SP4: variants seen among roughly 807,000 people sequenced by gnomAD.
SP4 encodes the protein transcription factor Sp4.
SP4 carries 19 observed loss-of-function variants against 72.8 expected under a neutral mutation model. The ratio of observed to expected loss-of-function variants is 0.26; its 90% confidence interval spans 0.18 to 0.38. The LOEUF is 0.38. SP4 is among the 10% of genes least tolerant of loss of function. The pLI is 1.00. For synonymous variants in SP4, 395 were observed against 333.1 expected (o/e 1.19, Z -2.02); for missense variants, 1,008 against 926.3 (o/e 1.09, Z -1.14).
intron 3 of SP4, among the ~76,000 whole-genome samples, chr7:21,450,427 C>A (rs10233357): frequency 0.15 from 22,494 of 151,694 alleles, 3,431 homozygotes; most frequent in East Asian, 0.61. Context: ...CTTTGGGGTG[C>A]AATAGGTTTC....
At chr7:21,454,467 CCATACA>C (rs1438038185) in intron 3 of SP4, among the ~76,000 whole-genome samples, 1 of 151,784 alleles carries the variant, frequency 6.6e-6, no homozygotes, top group African/African-American at 2.4e-5. Flanking sequence ...CAATAGTTTA[CCATACA>C]AGATCCTTTC....
intron 3 of SP4, among the ~76,000 whole-genome samples, chr7:21,451,167 C>G (rs1226494132): frequency 6.6e-6 from 1 of 152,142 alleles, no homozygotes; most frequent in Non-Finnish European, 1.5e-5. Context: ...CCTTACCAGT[C>G]TAGTGCTCAT....
At chr7:21,489,488 ATT>A (rs138369949) in intron 5 of SP4, among the ~76,000 whole-genome samples, 7 of 135,400 alleles carry the variant, frequency 5.2e-5, no homozygotes, top group Admixed American at 3.7e-4. Context: ...CACCTAGCTA[ATT>A]TTTTTTTTTT....
chr7:21,441,999 T>A (rs377744885), intron 3 of SP4, among the ~76,000 whole-genome samples: 1,351 of 90,298 alleles, frequency 0.015, 25 homozygotes, highest in African/African-American at 0.062. Context: ...TTTATGTGTG[T>A]GTGTGTTTGT....
chr7:21,450,429 A>G (rs561800371), intron 3 of SP4, among the ~76,000 whole-genome samples: 20 of 152,072 alleles, frequency 1.3e-4, no homozygotes, highest in African/African-American at 4.6e-4. Flanking sequence ...TTGGGGTGCA[A>G]TAGGTTTCTG....
At chr7:21,434,817 ATTT>A (rs35111163) in intron 3 of SP4, among the ~76,000 whole-genome samples, 12 of 139,052 alleles carry the variant, frequency 8.6e-5, no homozygotes, top group East Asian at 2.0e-4. Flanking sequence ...ATGTGTAATC[ATTT>A]TTTTTTTTTT....
chr7:21,490,732 C>A (rs1270462801), intron 5 of SP4, among the ~76,000 whole-genome samples: 1 of 152,190 alleles, frequency 6.6e-6, no homozygotes, highest in Non-Finnish European at 1.5e-5. Flanking sequence ...GCATTGCATG[C>A]ACAGCACAGA....
At chr7:21,428,646 CGT>C (rs766823627) in intron 1 of SP4, 29 bp from the exon 2 acceptor site, 32 of 1,510,394 alleles carry the variant, frequency 2.1e-5, no homozygotes, top group South Asian at 3.6e-5. Context: ...AACCTGTTGT[CGT>C]GTGTGTGTGG....
At chr7:21,461,988 G>T (rs1784005641) in intron 3 of SP4, among the ~76,000 whole-genome samples, 1 of 151,776 alleles carries the variant, frequency 6.6e-6, no homozygotes, top group African/African-American at 2.4e-5. Context: ...AGGGGTAGGG[G>T]ACAGGAAGTT....
Position 21,429,840 on chromosome 7 carries a change from A to C in SP4, c.675A>C (p.Ala225=). ...ASGNILAQNL[A]NQTVPVQIRP... ...GGAATATTCTTGCTCAAAACCTGGC[A>C]AATCAGACAGTTCCGGTCCAAATTA... is the stretch of plus-strand genomic sequence containing the variant. The change falls in exon 3 of 6, where the codon GCA becomes GCC. Residue 225 remains alanine (A), a synonymous_variant. Transcript: ENST00000222584. The C allele has an allele frequency of 1.2e-6, 2 of 1,614,244 alleles. No homozygotes were observed. Among genetic ancestry groups the C allele is most frequent in the Non-Finnish European group, 1.7e-6 (2 of 1,180,040 alleles).
chr7:21,429,244 C>A, intron 2 of SP4, 45 bp from the exon 3 acceptor site: 1 of 1,147,018 alleles, frequency 8.7e-7, no homozygotes, highest in South Asian at 1.5e-5. Flanking sequence ...AATCCGCCCA[C>A]TTTTTTTCCC....
chr7:21,508,050 C>T (rs994528604), intron 5 of SP4, among the ~76,000 whole-genome samples: 6 of 152,020 alleles, frequency 3.9e-5, no homozygotes, highest in African/African-American at 1.4e-4. Flanking sequence ...TGCTGCAGTG[C>T]CTGCTTTTCT....
intron 3 of SP4, among the ~76,000 whole-genome samples, chr7:21,470,001 A>T (rs1784284552): frequency 6.6e-6 from 1 of 152,132 alleles, no homozygotes; most frequent in Non-Finnish European, 1.5e-5. Context: ...ATGCTCTGGG[A>T]TCTGCTTCTA....
chr7:21,494,307 A>G (rs1323187052), intron 5 of SP4, among the ~76,000 whole-genome samples: 1 of 152,242 alleles, frequency 6.6e-6, no homozygotes, highest in Non-Finnish European at 1.5e-5. Flanking sequence ...GGAAAATGTC[A>G]TAAAAGACAT....
intron 3 of SP4, among the ~76,000 whole-genome samples, chr7:21,447,684 G>A (rs1044609484): frequency 4.6e-5 from 7 of 152,126 alleles, no homozygotes; most frequent in Non-Finnish European, 1.0e-4. Flanking sequence ...GCTGTCTTGG[G>A]AAGAAAGTAC....
chr7:21,487,992 T>A (rs894189108), intron 5 of SP4, among the ~76,000 whole-genome samples: 3 of 151,926 alleles, frequency 2.0e-5, no homozygotes, highest in Non-Finnish European at 4.4e-5. Context: ...GCCTCCCGAG[T>A]AGCTGGGACC....
chr7:21,428,855 C>A, intron 2 of SP4, 63 bp downstream of exon 2: 1 of 1,219,542 alleles, frequency 8.2e-7, no homozygotes, highest in Non-Finnish European at 1.1e-6. Context: ...GAGTTATGCC[C>A]TTTGAATGTC....
In SP4 at chr7:21,428,175, C is replaced by T; in HGVS notation, c.-77C>T. 2 of 717,632 alleles carry T rather than the reference C, an allele frequency of 2.8e-6. No individual in the cohort carries two copies. Among genetic ancestry groups the T allele is most frequent in the Non-Finnish European group, 5.1e-6 (2 of 395,206 alleles). The allele number at this position is 717,632 out of a possible 1,614,324, so 44.5% of individuals were successfully genotyped here. ...CACCGCGGGCGGGCGGGACCGGCCTCTCCTCCCGCCTCGCCCCCACCCCCA... is the reference window on the plus strand; with the variant it reads ...CACCGCGGGCGGGCGGGACCGGCCTTTCCTCCCGCCTCGCCCCCACCCCCA... On this transcript the variant is annotated 5_prime_UTR_variant, in exon 1 of 6. Coordinates refer to ENST00000222584, the MANE Select transcript of SP4 (RefSeq NM_003112.5).
At chr7:21,507,710 G>A (rs991290309) in intron 5 of SP4, among the ~76,000 whole-genome samples, 1 of 152,032 alleles carries the variant, frequency 6.6e-6, no homozygotes, top group African/African-American at 2.4e-5. Flanking sequence ...GTCAGAGGGA[G>A]TCTCTTTGGC....
Sources: allele counts gnomAD v4.1 joint callset (sites outside exome capture counted in the v4.1 genomes callset), GRCh38; gene constraint gnomAD v4.1.1; transcripts MANE v1.5; gene names NCBI Gene and HGNC (gene_info 2026-07-23, HGNC 2026-07-21).